ZC2HC1B: variants seen among roughly 807,000 people sequenced by gnomAD.
ZC2HC1B encodes the protein zinc finger C2HC domain-containing protein 1B.
ZC2HC1B carries 36 observed loss-of-function variants against 31.0 expected under a neutral mutation model. That is an observed-to-expected ratio of 1.16 (90% CI 0.89 to 1.54). The LOEUF (loss-of-function observed/expected upper bound fraction) is 1.54, where lower values mean the gene tolerates loss of function less well. Among genes scored for constraint, ZC2HC1B ranks in the 40% most tolerant of loss-of-function variants. ZC2HC1B has a pLI of 0.00. For missense variants in ZC2HC1B, 260 were observed against 268.6 expected (o/e 0.97, Z 0.22); for synonymous variants, 73 against 88.0 (o/e 0.83, Z 0.95).
intron 7 of ZC2HC1B, 130 bp downstream of exon 7, chr6:143,937,863 C>T: frequency 1.7e-6 from 1 of 605,626 alleles, no homozygotes; most frequent in Non-Finnish European, 2.9e-6. Flanking sequence ...AAAATGTATG[C>T]TCTTGAAACT....
rs752444466 is a variant in ZC2HC1B at position 143,883,054 on chromosome 6, G to T, written c.29-1250G>T. ...ACCTTCAGCTTTTTTGTGTGTAAGT[G>T]GGGGAGACAGGATCTTGCTCTGTCT... On this transcript the variant is annotated intron_variant, in intron 1 of 7. Transcript: ENST00000237275. This position sits in a 1 kb window ranked among gnomAD's most constrained non-coding sequence, Gnocchi z 4.1. Among the ~76,000 whole-genome samples the T allele has an allele frequency of 2.0e-5, 3 of 151,902 alleles. No homozygotes were observed. Among genetic ancestry groups the T allele is most frequent in the East Asian group, 1.9e-4 (1 of 5,176 alleles).
chr6:143,900,346 T>C lies in ZC2HC1B; in HGVS notation c.489+1655T>C, dbSNP rs542755299. Among the ~76,000 whole-genome samples, 74 of 145,700 alleles carry C rather than the reference T, an allele frequency of 5.1e-4. 1 individual carries two copies. Among genetic ancestry groups the C allele is most frequent in the African/African-American group, 1.7e-3 (65 of 39,062 alleles). On this transcript the variant is annotated intron_variant, in intron 5 of 7. Transcript: ENST00000237275. ...CAGAGGTTGTGGTGAGCCAAGATCA[T>C]GCCATTGCACTCCAGCCTGGGCAAC...
intron 4 of ZC2HC1B, among the ~76,000 whole-genome samples, chr6:143,891,607 G>A (rs1488394150): frequency 1.3e-5 from 2 of 150,952 alleles, no homozygotes; most frequent in Non-Finnish European, 3.0e-5. Context: ...GAGACTGAGG[G>A]AGGAGAATCC....
chr6:143,931,456 A>G (rs1054333541), intron 6 of ZC2HC1B, among the ~76,000 whole-genome samples: 1 of 151,982 alleles, frequency 6.6e-6, no homozygotes, highest in African/African-American at 2.4e-5. Flanking sequence ...AAGAGGTTCT[A>G]TTTTGGTGTA....
intron 4 of ZC2HC1B, among the ~76,000 whole-genome samples, chr6:143,896,803 C>T (rs1464596748): frequency 6.6e-6 from 1 of 152,138 alleles, no homozygotes; most frequent in African/African-American, 2.4e-5. Flanking sequence ...AGGCAAGCTC[C>T]AGCACTGGGC....
chr6:143,884,959 A>G lies in ZC2HC1B; in HGVS notation c.90+594A>G, dbSNP rs1777513060. Among the ~76,000 whole-genome samples, 1 of 152,230 alleles carries G rather than the reference A, an allele frequency of 6.6e-6. No homozygotes were observed. The highest frequency in any genetic ancestry group is 2.4e-5 in the African/African-American group (1 of 41,464). On this transcript the variant is annotated intron_variant, in intron 2 of 7. Transcript: ENST00000237275. This position sits in a 1 kb window ranked among gnomAD's most constrained non-coding sequence, Gnocchi z 5.1. The stretch of plus-strand genomic sequence containing the variant: ...CCCCGATTGATGGCTATAAAGTTGA[A>G]TAAAAGCTTGATTTATTTCAAAATT...
chr6:143,934,149 G>A lies in ZC2HC1B; in HGVS notation c.599-3500G>A, dbSNP rs1397957116. On this transcript the variant is annotated intron_variant, in intron 6 of 7. Transcript: ENST00000237275. The surrounding 1 kb of genome is among the most constrained non-coding windows in gnomAD (Gnocchi z 4.6). ...ATTTTTCAGGTTCCTCAGTGGGGAC[G>A]TGTGCTTGGAAGCAGATGTGTCCCC... 3.3e-5 allele frequency among the ~76,000 whole-genome samples: 5 copies of A among 152,228 alleles called. No individual in the cohort carries two copies. The highest frequency in any genetic ancestry group is 5.9e-5 in the Non-Finnish European group (4 of 68,038).
intron 1 of ZC2HC1B, among the ~76,000 whole-genome samples, chr6:143,866,053 G>T (rs1257094728): frequency 6.6e-6 from 1 of 152,176 alleles, no homozygotes; most frequent in Non-Finnish European, 1.5e-5. Flanking sequence ...TTGACCTTAT[G>T]ATCCGCCCGC....
At chr6:143,876,761 A>C (rs560351335) in intron 1 of ZC2HC1B, among the ~76,000 whole-genome samples, 1 of 150,826 alleles carries the variant, frequency 6.6e-6, no homozygotes, top group Admixed American at 6.6e-5. Flanking sequence ...TTGGAGTCTG[A>C]TGTTCAAGGG....
intron 1 of ZC2HC1B, among the ~76,000 whole-genome samples, chr6:143,882,334 T>TTTTTATATATATA (rs1554237237): frequency 2.3e-5 from 2 of 85,554 alleles, no homozygotes; most frequent in East Asian, 6.7e-4. Context: ...TTTATATTTT[T>TTTTTATATATATA]TATATATATA....
chr6:143,906,865 G>C (rs1777800578), intron 6 of ZC2HC1B, among the ~76,000 whole-genome samples: 1 of 151,714 alleles, frequency 6.6e-6, no homozygotes, highest in South Asian at 2.1e-4. Flanking sequence ...ACGGTGATTT[G>C]CTGCCAGATC....
rs1334187105 is a variant in ZC2HC1B, at chr6:143,922,458, C to A, written c.599-15191C>A. Among the ~76,000 whole-genome samples the A allele has an allele frequency of 6.6e-6, 1 of 152,126 alleles. No individual in the cohort carries two copies. The highest frequency in any genetic ancestry group is 6.5e-5 in the Admixed American group (1 of 15,270). ...CTGTATTTCGTACCTACTAACCAAC[C>A]TCTCCACCAGCACCCTGCCACACAC... On this transcript the variant is annotated intron_variant, in intron 6 of 7. Transcript: ENST00000237275. This position sits in a 1 kb window ranked among gnomAD's most constrained non-coding sequence, Gnocchi z 5.0.
chr6:143,927,416 T>G (rs1313282723), intron 6 of ZC2HC1B, among the ~76,000 whole-genome samples: 2 of 152,192 alleles, frequency 1.3e-5, no homozygotes, highest in African/African-American at 4.8e-5. Flanking sequence ...TTGCTTTCTG[T>G]TTTTGTTATT....
rs1315256270 is a variant in ZC2HC1B at position 143,870,558 on chromosome 6, T to C, written c.28+5991T>C. Among the ~76,000 whole-genome samples, 2 of 152,202 alleles carry C rather than the reference T, an allele frequency of 1.3e-5. No individual in the cohort carries two copies. The highest frequency in any genetic ancestry group is 3.9e-4 in the East Asian group (2 of 5,194). ...TTCCATTTGATGATGGATGCTGCTG[T>C]GCATGACCCACTTTATGGCTAGATG... On this transcript the variant is annotated intron_variant, in intron 1 of 7. Coordinates refer to ENST00000237275, the MANE Select transcript of ZC2HC1B (RefSeq NM_001013623.3). This position sits in a 1 kb window ranked among gnomAD's most constrained non-coding sequence, Gnocchi z 4.7.
At chr6:143,932,285 C>T (rs1197392842) in intron 6 of ZC2HC1B, among the ~76,000 whole-genome samples, 1 of 152,202 alleles carries the variant, frequency 6.6e-6, no homozygotes, top group Non-Finnish European at 1.5e-5. Flanking sequence ...TCGCCAGGAA[C>T]ACCAATTATT....
In ZC2HC1B at chr6:143,886,980, G is replaced by C. The variant is rs955733849; in HGVS notation, c.349+159G>C. Among the ~76,000 whole-genome samples, 53 of 152,028 alleles carry C rather than the reference G, an allele frequency of 3.5e-4. No individual in the cohort carries two copies. The highest frequency in any genetic ancestry group is 1.3e-3 in the African/African-American group (52 of 41,394). ...CCTATTTTTTTCAATTCTGCATAAA[G>C]ATTCTGTGTTTCCTTCTAACTCTGT... On this transcript the variant is annotated intron_variant, in intron 4 of 7. Transcript: ENST00000237275. The surrounding 1 kb of genome is among the most constrained non-coding windows in gnomAD (Gnocchi z 4.2).
chr6:143,914,136 C>T (rs1222655692), intron 6 of ZC2HC1B, among the ~76,000 whole-genome samples: 1 of 151,978 alleles, frequency 6.6e-6, no homozygotes, highest in Non-Finnish European at 1.5e-5. Context: ...CTTTTGATTT[C>T]ATTTGTTCTT....
In ZC2HC1B at chr6:143,877,272, C is replaced by CTTT. The variant is rs34994479; in HGVS notation, c.29-7007_29-7005dup. Among the ~76,000 whole-genome samples the CTTT allele has an allele frequency of 5.3e-3, 227 of 42,586 alleles. 47 individuals carry two copies. The highest frequency in any genetic ancestry group is 0.018 in the African/African-American group (146 of 8,314). The allele number at this position is 42,586 out of a possible 152,430, so 27.9% of individuals were successfully genotyped here. On this transcript the variant is annotated intron_variant, in intron 1 of 7. Transcript: ENST00000237275. Reference sequence around the variant, plus strand: ...TTTCTCCTAAAGATTTTTTTAATTTCTTTTTTTTTTTTTTTTTTTTTTTTT... The same window carrying CTTT: ...TTTCTCCTAAAGATTTTTTTAATTTCTTTTTTTTTTTTTTTTTTTTTTTTTTTT...
At chr6:143,936,566 C>G (rs963291027) in intron 6 of ZC2HC1B, among the ~76,000 whole-genome samples, 1 of 152,188 alleles carries the variant, frequency 6.6e-6, no homozygotes, top group African/African-American at 2.4e-5. Flanking sequence ...GTACTGATGG[C>G]TGTTTTCTGG....
Sources: allele counts gnomAD v4.1 joint callset (sites outside exome capture counted in the v4.1 genomes callset), GRCh38; gene constraint gnomAD v4.1.1; non-coding constraint Gnocchi (gnomAD v3.1); transcripts MANE v1.5; gene names NCBI Gene and HGNC (gene_info 2026-07-23, HGNC 2026-07-21).